Variants in MDGA2 observed in about 807,000 individuals in gnomAD.
MDGA2 encodes MAM domain-containing glycosylphosphatidylinositol anchor protein 2.
MDGA2 carries 40 observed loss-of-function variants against 117.8 expected under a neutral mutation model. The ratio of observed to expected loss-of-function variants is 0.34; its 90% CI spans 0.26 to 0.44. The LOEUF is 0.44. Among genes scored for constraint, MDGA2 ranks in the 20% least tolerant of loss-of-function variants. The pLI, the probability that MDGA2 is intolerant of heterozygous loss-of-function variation, is 1.00. For synonymous variants in MDGA2, 452 were observed against 439.0 expected, an observed-to-expected ratio of 1.03 and a Z score of -0.37; for missense variants, 1,123 against 1,250.6, an observed-to-expected ratio of 0.90 and a Z score of 1.54.
intron 1 of MDGA2, among the ~76,000 whole-genome samples, chr14:47,429,505 G>T (rs1371247739): frequency 1.3e-5 from 2 of 151,984 alleles, no homozygotes; most frequent in Admixed American, 6.6e-5. Flanking sequence ...ATAGCATTCT[G>T]TTCTGGGAAA....
intron 3 of MDGA2, among the ~76,000 whole-genome samples, chr14:47,166,562 A>C (rs1220434249): frequency 6.6e-6 from 1 of 152,202 alleles, no homozygotes; most frequent in African/African-American, 2.4e-5. Context: ...CTTAGGCAAC[A>C]TAACTTTATT....
intron 10 of MDGA2, among the ~76,000 whole-genome samples, chr14:46,890,384 C>G (rs1002267614): frequency 6.6e-6 from 1 of 152,034 alleles, no homozygotes; most frequent in Non-Finnish European, 1.5e-5. Flanking sequence ...TTGCCAAATT[C>G]TCAACTGACC....
chr14:47,101,007 G>T (rs1182246706), intron 5 of MDGA2, among the ~76,000 whole-genome samples: 2 of 151,944 alleles, frequency 1.3e-5, no homozygotes, highest in East Asian at 1.9e-4. Flanking sequence ...TCCTCATAAA[G>T]ATCAGGATGC....
chr14:47,312,055 A>C (rs755709014), intron 1 of MDGA2, among the ~76,000 whole-genome samples: 8 of 152,178 alleles, frequency 5.3e-5, no homozygotes, highest in Non-Finnish European at 1.0e-4. Context: ...AAACCATACA[A>C]TGTGAAACAT....
intron 7 of MDGA2, among the ~76,000 whole-genome samples, chr14:47,054,650 C>T (rs928625493): frequency 1.1e-4 from 16 of 151,868 alleles, no homozygotes; most frequent in African/African-American, 3.6e-4. Flanking sequence ...GGTACCAAAA[C>T]AGAGATATAG....
At chr14:46,874,954 A>T (rs1882165628) in intron 12 of MDGA2, among the ~76,000 whole-genome samples, 1 of 151,686 alleles carries the variant, frequency 6.6e-6, no homozygotes, top group African/African-American at 2.4e-5. Flanking sequence ...TTACTGCTTG[A>T]AAAAAATAGG....
chr14:47,280,336 A>G (rs1049000168), intron 2 of MDGA2, among the ~76,000 whole-genome samples: 1 of 149,290 alleles, frequency 6.7e-6, no homozygotes, highest in Non-Finnish European at 1.5e-5. Context: ...AAAAAAAAAA[A>G]AAAAAAAAGA....
chr14:47,243,199 G>A (rs549653084), intron 2 of MDGA2, among the ~76,000 whole-genome samples: 1 of 151,754 alleles, frequency 6.6e-6, no homozygotes, highest in South Asian at 2.1e-4. Context: ...CTCTGGTGGG[G>A]CCTTGGAGAA....
chr14:46,958,544 A>G (rs1485893418), intron 8 of MDGA2, among the ~76,000 whole-genome samples: 1 of 152,220 alleles, frequency 6.6e-6, no homozygotes, highest in African/African-American at 2.4e-5. Context: ...ACAAGTTGCA[A>G]AAAAATTAAA....
At chr14:47,188,484 A>C (rs2139396532) in intron 3 of MDGA2, among the ~76,000 whole-genome samples, 1 of 152,296 alleles carries the variant, frequency 6.6e-6, no homozygotes, top group Middle Eastern at 3.4e-3. Flanking sequence ...ATCTGCCCCG[A>C]GTCAAACTTC....
At chr14:47,467,180 A>C (rs1416042407) in intron 1 of MDGA2, among the ~76,000 whole-genome samples, 1 of 152,116 alleles carries the variant, frequency 6.6e-6, no homozygotes, top group African/African-American at 2.4e-5. Flanking sequence ...AGAAGCCAAA[A>C]TAAGGCTGGA....
At chr14:46,954,816 T>C (rs1885501994) in intron 9 of MDGA2, among the ~76,000 whole-genome samples, 1 of 152,092 alleles carries the variant, frequency 6.6e-6, no homozygotes, top group Non-Finnish European at 1.5e-5. Flanking sequence ...TCCTAAAATA[T>C]ATATGATTTA....
chr14:47,266,614 T>C lies in MDGA2; in HGVS notation c.420+34797A>G, dbSNP rs1220984432. ...AACTCCAAAGTCCTTATGTAGATTT[T>C]CCTCAGCTCTTCAGGATCTGTTCCC... On this transcript the variant is annotated intron_variant, in intron 2 of 16. Transcript: ENST00000399232. Among the ~76,000 whole-genome samples, 3 of 152,188 alleles carry C rather than the reference T, an allele frequency of 2.0e-5. No individual in the cohort carries two copies. The East Asian group carries it at 5.8e-4, about 29-fold the overall frequency.
chr14:47,237,958 A>G (rs535330628), intron 2 of MDGA2, among the ~76,000 whole-genome samples: 115 of 152,206 alleles, frequency 7.6e-4, no homozygotes, highest in African/African-American at 2.6e-3. Context: ...ATTGCCCAGA[A>G]AATGGAACTC....
intron 1 of MDGA2, among the ~76,000 whole-genome samples, chr14:47,439,605 T>C (rs1019421592): frequency 1.6e-4 from 24 of 152,246 alleles, no homozygotes; most frequent in African/African-American, 5.8e-4. Flanking sequence ...AAAATTCTTT[T>C]TTTGTGGTTG....
At chr14:46,912,245 G>C (rs1883733838) in intron 10 of MDGA2, among the ~76,000 whole-genome samples, 1 of 152,072 alleles carries the variant, frequency 6.6e-6, no homozygotes, top group Non-Finnish European at 1.5e-5. Flanking sequence ...AATTTTGTTT[G>C]TAAGTACAAA....
chr14:47,581,383 G>T (rs1370594168), intron 1 of MDGA2, among the ~76,000 whole-genome samples: 1 of 151,906 alleles, frequency 6.6e-6, no homozygotes, highest in African/African-American at 2.4e-5. Flanking sequence ...GAGGATATAA[G>T]AATTGGGAAT....
chr14:47,243,602 G>GT (rs1394328202), intron 2 of MDGA2, among the ~76,000 whole-genome samples: 1 of 151,310 alleles, frequency 6.6e-6, no homozygotes, highest in Non-Finnish European at 1.5e-5. Context: ...CTTAAGAGCT[G>GT]TAACACTCAC....
chr14:47,533,408 G>T (rs949151736), intron 1 of MDGA2, among the ~76,000 whole-genome samples: 3 of 152,126 alleles, frequency 2.0e-5, no homozygotes, highest in African/African-American at 7.2e-5. Flanking sequence ...TAGTATATAT[G>T]TTGGGATTTA....
Sources: allele counts gnomAD v4.1 joint callset (sites outside exome capture counted in the v4.1 genomes callset), GRCh38; gene constraint gnomAD v4.1.1; transcripts MANE v1.5; gene names NCBI Gene and HGNC (gene_info 2026-07-23, HGNC 2026-07-21).